Variants in TIAM1 observed in about 807,000 individuals in gnomAD.
TIAM1 encodes the protein TIAM Rac1 associated GEF 1, also known as rho guanine nucleotide exchange factor TIAM1.
TIAM1 carries 65 observed loss-of-function variants against 163.5 expected under a neutral mutation model. The ratio of observed to expected loss-of-function variants is 0.40; its 90% CI spans 0.33 to 0.49. The LOEUF is 0.49. TIAM1 is among the 20% of genes least tolerant of loss of function. TIAM1 has a pLI of 0.77. For synonymous variants in TIAM1, 833 were observed against 810.1 expected, an observed-to-expected ratio of 1.03 and a Z score of -0.48; for missense variants, 1,789 against 2,044.7, an observed-to-expected ratio of 0.87 and a Z score of 2.41.
chr21:31,556,134 AG>A (rs1169795290), intron 1 of TIAM1, among the ~76,000 whole-genome samples: 1 of 152,176 alleles, frequency 6.6e-6, no homozygotes, highest in East Asian at 1.9e-4. Flanking sequence ...ACACAACAGC[AG>A]GGGGGAAAGA....
At chr21:31,187,179 T>C in intron 13 of TIAM1, 92 bp from the exon 14 acceptor site, 2 of 1,135,814 alleles carry the variant, frequency 1.8e-6, no homozygotes, top group Non-Finnish European at 2.6e-6. Context: ...TAGGTATGTT[T>C]CATGTTTGTC....
chr21:31,259,225 C>T (rs2072304613), intron 4 of TIAM1, among the ~76,000 whole-genome samples: 1 of 7,650 alleles, frequency 1.3e-4, no homozygotes, highest in Non-Finnish European at 2.3e-4. Flanking sequence ...CAGCCTCAAC[C>T]TCCCAGGCTG....
At chr21:31,495,785 G>A (rs2046620422) in intron 1 of TIAM1, among the ~76,000 whole-genome samples, 2 of 152,048 alleles carry the variant, frequency 1.3e-5, no homozygotes, top group Non-Finnish European at 2.9e-5. Context: ...GACTAGCTTG[G>A]CCATAGTGAA....
chr21:31,247,757 T>C (rs773810652), intron 5 of TIAM1, among the ~76,000 whole-genome samples: 8 of 152,140 alleles, frequency 5.3e-5, no homozygotes, highest in African/African-American at 9.7e-5. Flanking sequence ...ACCTGTAGAG[T>C]AGTCTGCCCC....
intron 2 of TIAM1, among the ~76,000 whole-genome samples, chr21:31,399,589 T>G (rs2077130587): frequency 6.6e-6 from 1 of 152,146 alleles, no homozygotes; most frequent in African/African-American, 2.4e-5. Context: ...AATGTGAACA[T>G]TTCTAAAATG....
intron 4 of TIAM1, among the ~76,000 whole-genome samples, 169 bp downstream of exon 4, chr21:31,265,841 G>T (rs1301313670): frequency 6.6e-6 from 1 of 152,128 alleles, no homozygotes; most frequent in Non-Finnish European, 1.5e-5. Context: ...TCTAAGAGGG[G>T]CAAAGCAGAA....
At chr21:31,322,521 C>T (rs1045848659) in intron 2 of TIAM1, among the ~76,000 whole-genome samples, 1 of 152,204 alleles carries the variant, frequency 6.6e-6, no homozygotes, top group East Asian at 1.9e-4. Context: ...CAACTTGCCC[C>T]CTGGGCACCC....
chr21:31,229,166 G>A (rs2088245685), intron 6 of TIAM1, among the ~76,000 whole-genome samples: 1 of 152,134 alleles, frequency 6.6e-6, no homozygotes, highest in South Asian at 2.1e-4. Flanking sequence ...TTGGTGGGAT[G>A]AGATGCAATG....
At chr21:31,553,318 C>A (rs986392222) in intron 1 of TIAM1, among the ~76,000 whole-genome samples, 5 of 152,178 alleles carry the variant, frequency 3.3e-5, no homozygotes, top group Non-Finnish European at 7.3e-5. Context: ...ACTTGCCCTC[C>A]AAATTATCAC....
chr21:31,394,345 G>C (rs556749076), intron 2 of TIAM1, among the ~76,000 whole-genome samples: 1 of 152,200 alleles, frequency 6.6e-6, no homozygotes, highest in Non-Finnish European at 1.5e-5. Context: ...GCCAGGAGAT[G>C]GGGGAAAGGA....
chr21:31,156,834 T>A (rs2083648830), intron 16 of TIAM1, among the ~76,000 whole-genome samples: 1 of 152,228 alleles, frequency 6.6e-6, no homozygotes, highest in African/African-American at 2.4e-5. Flanking sequence ...GTTGCTTTGA[T>A]TTGGTACCTG....
In TIAM1 at chr21:31,230,006, A is replaced by G. The variant is rs549087830; in HGVS notation, c.1585-4056T>C. Among the ~76,000 whole-genome samples, 20 of 152,312 alleles carry G rather than the reference A, an allele frequency of 1.3e-4. No individual in the cohort carries two copies. In the South Asian group the frequency reaches 3.9e-3, roughly 30 times the overall value. The stretch of plus-strand genomic sequence containing the variant: ...GTGGGCATCCAGATGCAATCCCTGC[A>G]GAGGCGCACGCAGCACTAAGGAGAG... On this transcript the variant is annotated intron_variant, in intron 6 of 27. Transcript: ENST00000541036.
intron 2 of TIAM1, among the ~76,000 whole-genome samples, chr21:31,442,486 G>A (rs492322): frequency 0.82 from 124,518 of 151,986 alleles, 51,124 homozygotes; most frequent in South Asian, 0.94. Flanking sequence ...GCCTGCCTCC[G>A]CCTCCCAAGG....
Position 31,532,738 on chromosome 21 carries a change from G to C in TIAM1, c.-422+26189C>G, listed in dbSNP as rs574719696. 3.9e-5 allele frequency among the ~76,000 whole-genome samples: 6 copies of C among 152,252 alleles called. No individual in the cohort carries two copies. In the East Asian group the frequency reaches 1.2e-3, roughly 29 times the overall value. On this transcript the variant is annotated intron_variant, in intron 1 of 28. Transcript: ENST00000286827. ...TAAAATTAAGAAATTCCTGAAATAA[G>C]AGAAATTTCCCCATCCTATCCAGCA...
At chr21:31,454,881 A>G (rs1273762767) in intron 2 of TIAM1, among the ~76,000 whole-genome samples, 1 of 152,170 alleles carries the variant, frequency 6.6e-6, no homozygotes, top group African/African-American at 2.4e-5. Flanking sequence ...AGCAGGGAGC[A>G]CACCTTAAGC....
intron 2 of TIAM1, among the ~76,000 whole-genome samples, chr21:31,387,752 G>A (rs2076900528): frequency 6.6e-6 from 1 of 152,102 alleles, no homozygotes; most frequent in Non-Finnish European, 1.5e-5. Flanking sequence ...AGTGGCCCGT[G>A]GTGAGCGTCA....
intron 1 of TIAM1, among the ~76,000 whole-genome samples, chr21:31,343,667 T>C (rs1046232613): frequency 7.2e-5 from 11 of 152,110 alleles, no homozygotes; most frequent in African/African-American, 1.7e-4. Context: ...AACTTTTTTC[T>C]CACTTGATTC....
intron 16 of TIAM1, among the ~76,000 whole-genome samples, chr21:31,157,127 G>A (rs1016342682): frequency 2.6e-5 from 4 of 152,042 alleles, no homozygotes; most frequent in African/African-American, 9.7e-5. Context: ...GCACATTTCT[G>A]GTCAAAGAAA....
chr21:31,350,356 G>C (rs1242065921), intron 2 of TIAM1, among the ~76,000 whole-genome samples: 1 of 151,940 alleles, frequency 6.6e-6, no homozygotes, highest in African/African-American at 2.4e-5. Context: ...AATTTTGGGG[G>C]GCCAAAACAT....
Sources: allele counts gnomAD v4.1 joint callset (sites outside exome capture counted in the v4.1 genomes callset), GRCh38; gene constraint gnomAD v4.1.1; transcripts MANE v1.5; gene names NCBI Gene and HGNC (gene_info 2026-07-23, HGNC 2026-07-21).